FGD5: variants seen among roughly 807,000 people sequenced by gnomAD.
FGD5 encodes FYVE, RhoGEF and PH domain-containing protein 5.
Under a neutral mutation model 133.4 loss-of-function variants are expected in FGD5, and 28 were observed. That is an observed-to-expected ratio of 0.21 (90% CI 0.16 to 0.29). The LOEUF is 0.29. FGD5 is among the 10% of genes least tolerant of loss of function. FGD5 has a pLI of 1.00. For missense variants in FGD5, 1,858 were observed against 1,895.2 expected (o/e 0.98, Z 0.36); for synonymous variants, 810 against 776.5 (o/e 1.04, Z -0.72).
chr3:14,861,462 C>G (rs942673001), intron 1 of FGD5, among the ~76,000 whole-genome samples: 2 of 152,214 alleles, frequency 1.3e-5, no homozygotes, highest in African/African-American at 4.8e-5. Context: ...CCACCCAAGA[C>G]CCAACTCCAC....
At chr3:14,844,220 ATATATATATATAT>A (rs2036993520) in intron 1 of FGD5, among the ~76,000 whole-genome samples, 270 of 16,346 alleles carry the variant, frequency 0.017, 28 homozygotes, top group East Asian at 0.067. Flanking sequence ...AAAAAAAAAT[ATATATATATATAT>A]ATATATATAT....
chr3:14,922,142 C>A lies in FGD5; in HGVS notation c.3669+125C>A. Reference sequence around the variant, plus strand: ...CTCCTGTCTTGGGGCACTGGCTCCCCCCACACCCCTGCCATGCTCCCACCC... The same window carrying A: ...CTCCTGTCTTGGGGCACTGGCTCCCACCACACCCCTGCCATGCTCCCACCC... On this transcript the variant is annotated intron_variant, in intron 14 of 19. Coordinates refer to ENST00000285046, the MANE Select transcript of FGD5 (RefSeq NM_152536.4). This position sits in a 1 kb window ranked among gnomAD's most constrained non-coding sequence, Gnocchi z 4.1. The A allele has an allele frequency of 9.0e-7, 1 of 1,115,878 alleles. No homozygotes were observed. The highest frequency in any genetic ancestry group is 1.3e-6 in the Non-Finnish European group (1 of 771,918). The allele number at this position is 1,115,878 out of a possible 1,614,324, so 69.1% of individuals were successfully genotyped here.
intron 1 of FGD5, among the ~76,000 whole-genome samples, chr3:14,825,462 CAT>C (rs59408384): frequency 2.0e-4 from 30 of 148,776 alleles, no homozygotes; most frequent in Non-Finnish European, 2.4e-4. Flanking sequence ...CCCATCTCTA[CAT>C]ATATATATAT....
intron 1 of FGD5, among the ~76,000 whole-genome samples, chr3:14,824,033 T>A (rs151015931): frequency 3.3e-4 from 50 of 152,326 alleles, no homozygotes; most frequent in African/African-American, 1.2e-3. Flanking sequence ...TGGTTGAGTG[T>A]CTTGAACTGT....
In FGD5 at chr3:14,821,206, A is replaced by C. The variant is rs373381188; in HGVS notation, c.2135A>C (p.Lys712Thr). 243 of 1,613,802 alleles carry C rather than the reference A, an allele frequency of 1.5e-4. No homozygotes were observed. The highest frequency in any genetic ancestry group is 3.8e-5 in the Non-Finnish European group (45 of 1,179,890). Residue 712 changes from lysine to threonine, a missense_variant, in exon 1 of 20, where the codon AAG (lysine) becomes ACG (threonine). This residue lies in a region of FGD5 where 1,824 missense variants were observed against 1,848.9 expected (regional missense o/e 0.99). Transcript: ENST00000285046. ...CCTCAGCTTAAGTCTCGGACTGGGA[A>C]GCTCCGGGCTTCTGAATCCCCCTCC... The part of the protein sequence containing the change: ...NSPQLKSRTG[K>T]LRASESPSSL...
intron 4 of FGD5, among the ~76,000 whole-genome samples, chr3:14,895,331 G>T (rs973498141): frequency 3.9e-5 from 6 of 152,188 alleles, no homozygotes; most frequent in African/African-American, 1.4e-4. Flanking sequence ...TTGCATCATA[G>T]TTGGAGGTCT....
intron 4 of FGD5, among the ~76,000 whole-genome samples, chr3:14,895,455 A>C (rs889390930): frequency 2.0e-5 from 3 of 152,232 alleles, no homozygotes; most frequent in African/African-American, 7.2e-5. Context: ...CATTTATGGA[A>C]GAGACTGTCC....
chr3:14,914,246 G>A (rs1480949286), intron 11 of FGD5, among the ~76,000 whole-genome samples: 1 of 152,208 alleles, frequency 6.6e-6, no homozygotes, highest in Non-Finnish European at 1.5e-5. Flanking sequence ...AATCTGAACT[G>A]CAGAACAGAG....
rs559413423 is a variant in FGD5 at position 14,908,949 on chromosome 3, T to TATTCATTC, written c.3336+1253_3336+1260dup. Reference sequence around the variant, plus strand: ...TTATTTATTTATTTATTTATTTATTTATTCATTCATTCATTCATTCATCCA... The same window carrying TATTCATTC: ...TTATTTATTTATTTATTTATTTATTTATTCATTCATTCATTCATTCATTCATTCATCCA... On this transcript the variant is annotated intron_variant, in intron 10 of 19. Transcript: ENST00000285046. Among the ~76,000 whole-genome samples, 95 of 141,130 alleles carry TATTCATTC rather than the reference T, an allele frequency of 6.7e-4. 1 individual carries two copies. Among genetic ancestry groups the TATTCATTC allele is most frequent in the Admixed American group, 5.2e-3 (73 of 13,938 alleles). The allele number at this position is 141,130 out of a possible 152,430, so 92.6% of individuals were successfully genotyped here. A position where few individuals can be genotyped will look rare whatever the true frequency, so the allele number is the denominator to read the frequency against.
At chr3:14,833,063 T>A (rs2036747077) in intron 1 of FGD5, among the ~76,000 whole-genome samples, 1 of 152,204 alleles carries the variant, frequency 6.6e-6, no homozygotes, top group Non-Finnish European at 1.5e-5. Context: ...TTAATGTGTT[T>A]CATCTCGTTT....
intron 1 of FGD5, among the ~76,000 whole-genome samples, chr3:14,844,014 T>C (rs2036978762): frequency 1.3e-5 from 2 of 149,920 alleles, no homozygotes; most frequent in Admixed American, 6.6e-5. Context: ...CTTTTCTAAC[T>C]TCCTTTGAAA....
At chr3:14,865,148 T>C (rs767082616) in intron 2 of FGD5, among the ~76,000 whole-genome samples, 1 of 118,732 alleles carries the variant, frequency 8.4e-6, no homozygotes, top group African/African-American at 3.2e-5. Flanking sequence ...CATGCCTGCA[T>C]GTTGAGAGGT....
In FGD5 at chr3:14,923,788, G is replaced by A. The variant is rs78884351; in HGVS notation, c.3938-220G>A. On this transcript the variant is annotated intron_variant, in intron 16 of 19. Coordinates refer to ENST00000285046, the MANE Select transcript of FGD5 (RefSeq NM_152536.4). ...GTCCCTGCTACCTGGAGGCCTGGAG[G>A]TGAAGGGCTGTCCAGCGCCCTGGAA... Among the ~76,000 whole-genome samples, 430 of 152,290 alleles carry A rather than the reference G, an allele frequency of 2.8e-3. 1 individual carries two copies. The highest frequency in any genetic ancestry group is 9.6e-3 in the African/African-American group (400 of 41,548).
chr3:14,925,102 A>C (rs2038772236), intron 17 of FGD5, among the ~76,000 whole-genome samples: 1 of 5,072 alleles, frequency 2.0e-4, no homozygotes, highest in African/African-American at 1.5e-3. Flanking sequence ...CTCTGTCTCA[A>C]AAAAAAAAAA....
intron 1 of FGD5, among the ~76,000 whole-genome samples, chr3:14,832,134 G>A (rs1307328550): frequency 6.6e-6 from 1 of 152,136 alleles, no homozygotes; most frequent in African/African-American, 2.4e-5. Context: ...TGGTGGCGAC[G>A]GTCTCTTCAT....
At chr3:14,825,277 A>T (rs1010848824) in intron 1 of FGD5, among the ~76,000 whole-genome samples, 7 of 152,228 alleles carry the variant, frequency 4.6e-5, no homozygotes, top group East Asian at 1.9e-4. Context: ...TTTCAATGGT[A>T]TACAAAAGAA....
intron 9 of FGD5, among the ~76,000 whole-genome samples, chr3:14,906,132 T>C (rs1304418879): frequency 1.3e-5 from 2 of 152,180 alleles, no homozygotes; most frequent in African/African-American, 4.8e-5. Flanking sequence ...ATTCAGCTTT[T>C]AGCCCTCCCT....
In FGD5 at chr3:14,922,978, A is replaced by G. The variant is rs1575262002; in HGVS notation, c.3808-68A>G. The G allele has an allele frequency of 1.2e-6, 2 of 1,604,272 alleles. No individual in the cohort carries two copies. Among genetic ancestry groups the G allele is most frequent in the Non-Finnish European group, 1.7e-6 (2 of 1,173,282 alleles). On this transcript the variant is annotated intron_variant, in intron 15 of 19. Transcript: ENST00000285046. This position sits in a 1 kb window ranked among gnomAD's most constrained non-coding sequence, Gnocchi z 4.1. ...GTGGGTGGATTAGCAGAGGGAGCGGAGGGGAGGGGTGCAGGTCTCCTTTGC... is the reference window on the plus strand; with the variant it reads ...GTGGGTGGATTAGCAGAGGGAGCGGGGGGGAGGGGTGCAGGTCTCCTTTGC...
chr3:14,928,484 C>A (rs1192531855), intron 18 of FGD5, among the ~76,000 whole-genome samples: 1 of 152,140 alleles, frequency 6.6e-6, no homozygotes, highest in Non-Finnish European at 1.5e-5. Flanking sequence ...GTGGCTCATG[C>A]CTGTAATCCC....
Sources: allele counts gnomAD v4.1 joint callset (sites outside exome capture counted in the v4.1 genomes callset), GRCh38; gene constraint gnomAD v4.1.1; regional missense constraint gnomAD v4.1.1; non-coding constraint Gnocchi (gnomAD v3.1); transcripts MANE v1.5; gene names NCBI Gene and HGNC (gene_info 2026-07-23, HGNC 2026-07-21).